The following APBB1IP variants were observed in gnomAD, a reference collection of about 807,000 sequenced individuals.
APBB1IP encodes the protein amyloid beta A4 precursor protein-binding family B member 1-interacting protein.
Under a neutral mutation model 64.9 loss-of-function variants are expected in APBB1IP, and 27 were observed. The observed-to-expected ratio is 0.42, with a 90% CI of 0.31 to 0.57. APBB1IP has a LOEUF of 0.57. Ranked by LOEUF, APBB1IP falls within the 20% of genes least tolerant of loss-of-function variation. The probability of loss-of-function intolerance (pLI) is 0.20; values close to 1 mark genes in which losing one functional copy is unlikely to be tolerated. For synonymous variants in APBB1IP, 392 were observed against 331.0 expected (o/e 1.18, Z -2.00); for missense variants, 812 against 845.5 (o/e 0.96, Z 0.49).
At position 26,566,973 on chromosome 10, in the gene APBB1IP, G is replaced by A. The variant is rs750735600; in HGVS notation, c.1486G>A (p.Ala496Thr). ...HAETSKDKKP[A>T]LGNHHDPAVP... ...CACTCGGTTGCAGGATAAGAAGCCAGCCCTCGGGAACCACCACGACCCGGC... is the reference window on the plus strand; with the variant it reads ...CACTCGGTTGCAGGATAAGAAGCCAACCCTCGGGAACCACCACGACCCGGC... The change falls in exon 15 of 15, where the codon GCC becomes ACC. Residue 496 changes from alanine (A) to threonine (T), a missense_variant. This residue lies in a region of APBB1IP where 381 missense variants were observed against 352.1 expected (regional missense o/e 1.08). Transcript: ENST00000376236. 1 of 1,579,686 alleles carries A rather than the reference G, an allele frequency of 6.3e-7. No homozygotes were observed. Among genetic ancestry groups the A allele is most frequent in the East Asian group, 2.3e-5 (1 of 42,814 alleles).
intron 11 of APBB1IP, among the ~76,000 whole-genome samples, chr10:26,557,831 A>C (rs1033030428): frequency 6.6e-6 from 1 of 152,206 alleles, no homozygotes; most frequent in African/African-American, 2.4e-5. Context: ...TCAGATTCCA[A>C]CTGAAGTTTA....
chr10:26,445,128 A>AAAAGAAAGAAAG (rs762345104), intron 2 of APBB1IP, among the ~76,000 whole-genome samples: 3 of 102,178 alleles, frequency 2.9e-5, no homozygotes, highest in Non-Finnish European at 5.6e-5. Flanking sequence ...AGAAAGAAAG[A>AAAAGAAAGAAAG]AAAGAAAGAA....
chr10:26,451,705 G>A (rs964205242), intron 2 of APBB1IP, among the ~76,000 whole-genome samples: 1 of 152,098 alleles, frequency 6.6e-6, no homozygotes, highest in Non-Finnish European at 1.5e-5. Context: ...CTGCCTCTAA[G>A]TTTTCTCAAT....
At chr10:26,505,846 C>G (rs574693232) in intron 6 of APBB1IP, among the ~76,000 whole-genome samples, 32 of 152,142 alleles carry the variant, frequency 2.1e-4, no homozygotes, top group Non-Finnish European at 3.5e-4. Flanking sequence ...GTCTCTCTTT[C>G]TGTCCTCCTC....
chr10:26,523,896 G>T (rs1450423083), intron 8 of APBB1IP, among the ~76,000 whole-genome samples: 1 of 152,084 alleles, frequency 6.6e-6, no homozygotes, highest in Non-Finnish European at 1.5e-5. Flanking sequence ...CTTCCCCATG[G>T]TTAACTGTCC....
chr10:26,564,546 T>A (rs1471679998), intron 14 of APBB1IP, among the ~76,000 whole-genome samples: 1 of 152,220 alleles, frequency 6.6e-6, no homozygotes, highest in Non-Finnish European at 1.5e-5. Flanking sequence ...CTCACGCCTG[T>A]AATTCCAACA....
At chr10:26,502,264 C>A (rs1277279699) in intron 5 of APBB1IP, among the ~76,000 whole-genome samples, 1 of 152,184 alleles carries the variant, frequency 6.6e-6, no homozygotes, top group East Asian at 1.9e-4. Context: ...GAGCTTTGGG[C>A]TCATAAAATA....
At chr10:26,488,998 C>A (rs942285521) in intron 2 of APBB1IP, among the ~76,000 whole-genome samples, 1 of 152,206 alleles carries the variant, frequency 6.6e-6, no homozygotes, top group Non-Finnish European at 1.5e-5. Context: ...GAATCTAGAC[C>A]TCTCTTAACT....
At chr10:26,459,242 A>G (rs1218339591) in intron 2 of APBB1IP, among the ~76,000 whole-genome samples, 2 of 151,682 alleles carry the variant, frequency 1.3e-5, no homozygotes, top group African/African-American at 4.8e-5. Context: ...TTCCAATTTC[A>G]TCCATGTCCC....
intron 14 of APBB1IP, among the ~76,000 whole-genome samples, chr10:26,563,981 A>T (rs773421538): frequency 2.0e-4 from 30 of 147,924 alleles, no homozygotes; most frequent in Non-Finnish European, 4.4e-4. Flanking sequence ...CAGAATAGAA[A>T]TCACTTAACT....
At chr10:26,550,490 C>G (rs140612533) in intron 11 of APBB1IP, among the ~76,000 whole-genome samples, 1 of 152,100 alleles carries the variant, frequency 6.6e-6, no homozygotes, top group African/African-American at 2.4e-5. Flanking sequence ...TTTCAAATAG[C>G]CTGCCTTCAA....
At chr10:26,549,672 A>G (rs531509622) in intron 11 of APBB1IP, among the ~76,000 whole-genome samples, 1 of 151,462 alleles carries the variant, frequency 6.6e-6, no homozygotes, top group Non-Finnish European at 1.5e-5. Context: ...CTTTCTTTTC[A>G]TCTTTCATTT....
chr10:26,543,835 C>A (rs1836728040), intron 11 of APBB1IP, among the ~76,000 whole-genome samples: 1 of 151,950 alleles, frequency 6.6e-6, no homozygotes, highest in African/African-American at 2.4e-5. Flanking sequence ...GCAGTACGAG[C>A]CCTCCAGGAA....
intron 2 of APBB1IP, among the ~76,000 whole-genome samples, chr10:26,441,767 C>T (rs1357778602): frequency 6.6e-6 from 1 of 152,116 alleles, no homozygotes; most frequent in African/African-American, 2.4e-5. Context: ...ATTTCCTGAG[C>T]GTTGACCATG....
chr10:26,523,367 T>G (rs991153910), intron 8 of APBB1IP, among the ~76,000 whole-genome samples: 3 of 152,204 alleles, frequency 2.0e-5, no homozygotes, highest in Non-Finnish European at 4.4e-5. Flanking sequence ...AGAATTAGAA[T>G]CCACATGACT....
chr10:26,453,980 T>C (rs1835493577), intron 2 of APBB1IP, among the ~76,000 whole-genome samples: 1 of 152,140 alleles, frequency 6.6e-6, no homozygotes, highest in South Asian at 2.1e-4. Context: ...AACAGGTGAA[T>C]GGGTAAAGAA....
chr10:26,546,617 T>C (rs958144839), intron 11 of APBB1IP, among the ~76,000 whole-genome samples: 44 of 152,194 alleles, frequency 2.9e-4, no homozygotes, highest in African/African-American at 1.0e-3. Flanking sequence ...CTTGCAGTAG[T>C]GTACCAGAAC....
chr10:26,558,138 CAA>C (rs1491353257), intron 11 of APBB1IP, among the ~76,000 whole-genome samples: 3 of 95,186 alleles, frequency 3.2e-5, no homozygotes, highest in East Asian at 3.5e-4. Context: ...CACACACACA[CAA>C]ACACACACAC....
At chr10:26,487,043 A>G (rs1835900365) in intron 2 of APBB1IP, among the ~76,000 whole-genome samples, 1 of 152,090 alleles carries the variant, frequency 6.6e-6, no homozygotes, top group Admixed American at 6.5e-5. Flanking sequence ...CATAAAATGA[A>G]CTCAGAAGTG....
Sources: allele counts gnomAD v4.1 joint callset (sites outside exome capture counted in the v4.1 genomes callset), GRCh38; gene constraint gnomAD v4.1.1; regional missense constraint gnomAD v4.1.1; transcripts MANE v1.5; gene names NCBI Gene and HGNC (gene_info 2026-07-23, HGNC 2026-07-21).